KLF14: variants seen among roughly 807,000 people sequenced by gnomAD.
The protein encoded by KLF14 is Krueppel-like factor 14.
KLF14 carries 13 observed loss-of-function variants against 16.2 expected under a neutral mutation model. The ratio of observed to expected loss-of-function variants is 0.80; its 90% confidence interval spans 0.52 to 1.28. The LOEUF (loss-of-function observed/expected upper bound fraction) is 1.28, where lower values mean the gene tolerates loss of function less well. Ranked by LOEUF, KLF14 falls within the 50% of genes most tolerant of loss-of-function variation. KLF14 has a pLI of 0.00. For synonymous variants in KLF14, 276 were observed against 233.7 expected (o/e 1.18, Z -1.65); for missense variants, 571 against 493.4 (o/e 1.16, Z -1.49).
Position 130,733,653 on chromosome 7 carries a change from G to T in KLF14, c.381C>A (p.Ser127=). 6.4e-7 allele frequency: 1 copy of T among 1,554,778 alleles called. No homozygotes were observed. ...CGGCGCCGGAGGCGGGAGCCAGCTC[G>T]GAGCACGGGGTCTGGACGGAGCACG... ...PIPCSVQTPC[S]ELAPASGAAA... is the part of the protein sequence containing the mutation. The change falls in exon 1 of 1, where the codon TCC becomes TCA. Residue 127 remains serine, a synonymous_variant. Transcript: ENST00000583337. The surrounding 1 kb of genome is among the most constrained non-coding windows in gnomAD (Gnocchi z 5.2).
rs781928505 is a variant in KLF14, at chr7:130,733,080, G to A, written c.954C>T (p.Ser318=). 6 of 1,567,820 alleles carry A rather than the reference G, an allele frequency of 3.8e-6. No homozygotes were observed. In the Admixed American group the frequency reaches 7.2e-5, roughly 19 times the overall value. The stretch of plus-strand genomic sequence containing the variant: ...GACTGTCCTACAGGCAGGTGGTGAA[G>A]CTGGGCGCCGGGCCGGGACCGGAGC... The part of the protein sequence containing the change: ...ASGSGPGPAP[S]FTTCL Residue 318 remains serine (S), a synonymous_variant, in exon 1 of 1, where the codon AGC becomes AGT. Transcript: ENST00000583337. The surrounding 1 kb of genome is among the most constrained non-coding windows in gnomAD (Gnocchi z 5.2).
At position 130,732,509 on chromosome 7, in the gene KLF14, C is replaced by T. The variant is rs1469023942; in HGVS notation, c.*553G>A. ...AATTGGGGGATTGGAGGGCATAAGCCTCCCATCAACCTGGGATCCCTATTT... is the reference window on the plus strand; with the variant it reads ...AATTGGGGGATTGGAGGGCATAAGCTTCCCATCAACCTGGGATCCCTATTT... On this transcript the variant is annotated 3_prime_UTR_variant, in exon 1 of 1. Transcript: ENST00000583337. 6.6e-6 allele frequency: 1 copy of T among 152,562 alleles called. No homozygotes were observed. Among genetic ancestry groups the T allele is most frequent in the Non-Finnish European group, 1.5e-5 (1 of 68,392 alleles). 9.5% of individuals were successfully genotyped at this position (152,562 alleles called of 1,614,324 possible).
chr7:130,733,046 G>T lies in KLF14; in HGVS notation c.*16C>A. ...GGGGATCATCCTTGAGGGTAAGACT[G>T]ACAGCAATGACTGTCCTACAGGCAG... On this transcript the variant is annotated 3_prime_UTR_variant, in exon 1 of 1. Transcript: ENST00000583337. This position sits in a 1 kb window ranked among gnomAD's most constrained non-coding sequence, Gnocchi z 5.2. 6.5e-7 allele frequency: 1 copy of T among 1,541,080 alleles called. No individual in the cohort carries two copies. The highest frequency in any genetic ancestry group is 1.2e-5 in the South Asian group (1 of 80,294).
At position 130,732,915 on chromosome 7, in the gene KLF14, CAT is replaced by C. The variant is rs1305517664; in HGVS notation, c.*145_*146del. On this transcript the variant is annotated 3_prime_UTR_variant, in exon 1 of 1. Transcript: ENST00000583337. ...GCCCCCAGTACCTCCCCAGAGTCCA[CAT>C]GTCTGCCTGGACCCACCCTCAGAGC... 31 of 1,006,666 alleles carry C rather than the reference CAT, an allele frequency of 3.1e-5. No individual in the cohort carries two copies. The highest frequency in any genetic ancestry group is 1.1e-4 in the South Asian group (6 of 56,218). The allele number at this position is 1,006,666 out of a possible 1,614,324, so 62.4% of individuals were successfully genotyped here. A position where few individuals can be genotyped will look rare whatever the true frequency, so the allele number is the denominator to read the frequency against.
Position 130,733,032 on chromosome 7 carries a change from T to C in KLF14, c.*30A>G. ...GGGACAACGGCCTGGGGGATCATCC[T>C]TGAGGGTAAGACTGACAGCAATGAC... On this transcript the variant is annotated 3_prime_UTR_variant, in exon 1 of 1. Coordinates refer to ENST00000583337, the MANE Select transcript of KLF14 (RefSeq NM_138693.4). The surrounding 1 kb of genome is among the most constrained non-coding windows in gnomAD (Gnocchi z 5.2). The C allele has an allele frequency of 1.3e-6, 2 of 1,529,374 alleles. No homozygotes were observed. Among genetic ancestry groups the C allele is most frequent in the Non-Finnish European group, 1.8e-6 (2 of 1,140,136 alleles). 94.7% of individuals were successfully genotyped at this position (1,529,374 alleles called of 1,614,324 possible).
chr7:130,733,501 G>A lies in KLF14; in HGVS notation c.533C>T (p.Ala178Val), dbSNP rs569163126. 1.4e-5 allele frequency: 23 copies of A among 1,598,710 alleles called. No homozygotes were observed. In the East Asian group the frequency reaches 5.0e-4, roughly 35 times the overall value. Residue 178 changes from alanine (A) to valine (V), a missense_variant, in exon 1 of 1, where the codon GCC (alanine) becomes GTC (valine). By Grantham distance (64) the Ala-to-Val change is moderately conservative. Coordinates refer to ENST00000583337, the MANE Select transcript of KLF14 (RefSeq NM_138693.4). This position sits in a 1 kb window ranked among gnomAD's most constrained non-coding sequence, Gnocchi z 5.2. Reference protein sequence around the residue: ...GGALGAGPAPAADQAPRRRSV... With the variant: ...GGALGAGPAPVADQAPRRRSV... ...CCTCCTCCGGGGCGCCTGATCCGCG[G>A]CGGGGGCGGGGCCTGCCCCTAGGGC...
In KLF14 at chr7:130,733,367, G is replaced by A; in HGVS notation, c.667C>T (p.Arg223Cys). Residue 223 changes from arginine (R) to cysteine (C), a missense_variant, in exon 1 of 1, where the codon CGC becomes TGC. By Grantham distance (180) the Arg-to-Cys change is radical. Coordinates refer to ENST00000583337, the MANE Select transcript of KLF14 (RefSeq NM_138693.4). This position sits in a 1 kb window ranked among gnomAD's most constrained non-coding sequence, Gnocchi z 5.2. ...TCGAGCCAGTCGCAGGAGAAAGGGC[G>A]CTCACCCGTGTGGGTGCGCTGGTGG... ...KSHQRTHTGE[R>C]PFSCDWLDCD... 6.2e-7 allele frequency: 1 copy of A among 1,614,036 alleles called. No homozygotes were observed.
chr7:130,732,766 A>C lies in KLF14; in HGVS notation c.*296T>G. ...TCACATCCCTGGTTCCAGGGAGGGG[A>C]GAATCTTCAGTACTCTGGAGAGTAC... On this transcript the variant is annotated 3_prime_UTR_variant, in exon 1 of 1. Transcript: ENST00000583337. 6.9e-6 allele frequency: 2 copies of C among 287,864 alleles called. No homozygotes were observed. Among genetic ancestry groups the C allele is most frequent in the Non-Finnish European group, 6.5e-6 (1 of 153,948 alleles). 17.8% of individuals were successfully genotyped at this position (287,864 alleles called of 1,614,324 possible). A position where few individuals can be genotyped will look rare whatever the true frequency, so the allele number is the denominator to read the frequency against.
Position 130,733,499 on chromosome 7 carries a change from C to A in KLF14, c.535G>T (p.Ala179Ser). 1 of 1,600,306 alleles carries A rather than the reference C, an allele frequency of 6.2e-7. No homozygotes were observed. Among genetic ancestry groups the A allele is most frequent in the South Asian group, 1.1e-5 (1 of 89,334 alleles). The change falls in exon 1 of 1, where the codon GCG becomes TCG. Residue 179 changes from alanine to serine, a missense_variant. By Grantham distance (99) the Ala-to-Ser change is moderately conservative. Coordinates refer to ENST00000583337, the MANE Select transcript of KLF14 (RefSeq NM_138693.4). This position sits in a 1 kb window ranked among gnomAD's most constrained non-coding sequence, Gnocchi z 5.2. ...GALGAGPAPA[A>S]DQAPRRRSVT... ...GACCTCCTCCGGGGCGCCTGATCCG[C>A]GGCGGGGGCGGGGCCTGCCCCTAGG... is the stretch of plus-strand genomic sequence containing the variant.
chr7:130,733,809 G>C lies in KLF14; in HGVS notation c.225C>G (p.Gly75=). Residue 75 remains glycine, a synonymous_variant, in exon 1 of 1, where the codon GGC becomes GGG. Coordinates refer to ENST00000583337, the MANE Select transcript of KLF14 (RefSeq NM_138693.4). This position sits in a 1 kb window ranked among gnomAD's most constrained non-coding sequence, Gnocchi z 5.2. ...QLPQVPAPSP[G]AGGAAPHLLA... The stretch of plus-strand genomic sequence containing the variant: ...GCAGGTGGGGCGCGGCGCCGCCCGC[G>C]CCGGGGCTGGGGGCGGGGACCTGCG... 6.9e-7 allele frequency: 1 copy of C among 1,457,442 alleles called. No homozygotes were observed. The highest frequency in any genetic ancestry group is 2.5e-5 in the Admixed American group (1 of 40,102). 90.3% of individuals were successfully genotyped at this position (1,457,442 alleles called of 1,614,324 possible). A position where few individuals can be genotyped will look rare whatever the true frequency, so the allele number is the denominator to read the frequency against.
rs1447697273 is a variant in KLF14 at position 130,734,046 on chromosome 7, C to T, written c.-13G>A. 6 of 1,222,140 alleles carry T rather than the reference C, an allele frequency of 4.9e-6. No individual in the cohort carries two copies. The highest frequency in any genetic ancestry group is 3.7e-5 in the East Asian group (1 of 26,678). 75.7% of individuals were successfully genotyped at this position (1,222,140 alleles called of 1,614,324 possible). A position where few individuals can be genotyped will look rare whatever the true frequency, so the allele number is the denominator to read the frequency against. ...CGGCGGCCGACATGCTGGGACCGCC[C>T]GGCCGCCGGCGAGCGCCGTCCGAAC... is the stretch of plus-strand genomic sequence containing the variant. On this transcript the variant is annotated 5_prime_UTR_variant, in exon 1 of 1. Transcript: ENST00000583337. The surrounding 1 kb of genome is among the most constrained non-coding windows in gnomAD (Gnocchi z 4.4).
rs1797233780 is a variant in KLF14, at chr7:130,733,511, G to A, written c.523C>T (p.Pro175Ser). 1.3e-6 allele frequency: 2 copies of A among 1,592,866 alleles called. No individual in the cohort carries two copies. Among genetic ancestry groups the A allele is most frequent in the Non-Finnish European group, 1.7e-6 (2 of 1,170,500 alleles). Reference protein sequence around the residue: ...GFSGGALGAGPAPAADQAPRR... With the variant: ...GFSGGALGAGSAPAADQAPRR... The stretch of plus-strand genomic sequence containing the variant: ...GGCGCCTGATCCGCGGCGGGGGCGG[G>A]GCCTGCCCCTAGGGCCCCTCCAGAG... The change falls in exon 1 of 1, where the codon CCC becomes TCC. Residue 175 changes from proline to serine, a missense_variant. Physicochemically the swap from Pro to Ser is moderately conservative, Grantham distance 74. Transcript: ENST00000583337. The surrounding 1 kb of genome is among the most constrained non-coding windows in gnomAD (Gnocchi z 5.2).
rs1157461082 is a variant in KLF14 at position 130,734,176 on chromosome 7, CGCCGCCGCA to C, written c.-152_-144del. 23 of 310,688 alleles carry C rather than the reference CGCCGCCGCA, an allele frequency of 7.4e-5. 1 individual carries two copies. The South Asian group carries it at 1.2e-3, about 16-fold the overall frequency. The allele number at this position is 310,688 out of a possible 1,614,324, so 19.2% of individuals were successfully genotyped here. On this transcript the variant is annotated 5_prime_UTR_variant, in exon 1 of 1. Coordinates refer to ENST00000583337, the MANE Select transcript of KLF14 (RefSeq NM_138693.4). This position sits in a 1 kb window ranked among gnomAD's most constrained non-coding sequence, Gnocchi z 4.4. ...GCCGCCTGCCGCCTGCTGCCGCCGC[CGCCGCCGCA>C]GCCGCCGCTGCCGCCGCCGCCCGCG...
Position 130,733,727 on chromosome 7 carries a change from T to G in KLF14, c.307A>C (p.Asn103His). 6.4e-7 allele frequency: 1 copy of G among 1,554,824 alleles called. No homozygotes were observed. Among genetic ancestry groups the G allele is most frequent in the South Asian group, 1.2e-5 (1 of 84,984 alleles). ...RGSSGEGSWE[N>H]SGEAPRASSG... is the part of the protein sequence containing the mutation. Reference sequence around the variant, plus strand: ...GAGGCGCGTGGAGCTTCCCCCGAGTTCTCCCAGGAGCCCTCGCCAGAGCTG... The same window carrying G: ...GAGGCGCGTGGAGCTTCCCCCGAGTGCTCCCAGGAGCCCTCGCCAGAGCTG... The change falls in exon 1 of 1, where the codon AAC (asparagine) becomes CAC (histidine). Residue 103 changes from asparagine to histidine, a missense_variant. Transcript: ENST00000583337. The surrounding 1 kb of genome is among the most constrained non-coding windows in gnomAD (Gnocchi z 5.2).
In KLF14 at chr7:130,733,917, A is replaced by C. The variant is rs111731678; in HGVS notation, c.117T>G (p.Ala39=). The change falls in exon 1 of 1, where the codon GCT becomes GCG. Residue 39 remains alanine (A), a synonymous_variant. Transcript: ENST00000583337. The surrounding 1 kb of genome is among the most constrained non-coding windows in gnomAD (Gnocchi z 5.2). ...GCGGCGCCGCACCCACCTCCGAGCC[A>C]GCGGCTCCACCCGCGCCCTCGGGGT... ...PPDPEGAGGA[A]GSEVGAAPPE... 7.4e-7 allele frequency: 1 copy of C among 1,354,986 alleles called. No homozygotes were observed. The highest frequency in any genetic ancestry group is 9.5e-7 in the Non-Finnish European group (1 of 1,053,228). 83.9% of individuals were successfully genotyped at this position (1,354,986 alleles called of 1,614,324 possible).
Position 130,733,936 on chromosome 7 carries a change from T to C in KLF14, c.98A>G (p.Glu33Gly). 1.5e-6 allele frequency: 2 copies of C among 1,360,764 alleles called. No homozygotes were observed. Among genetic ancestry groups the C allele is most frequent in the South Asian group, 1.5e-5 (1 of 64,728 alleles). 84.3% of individuals were successfully genotyped at this position (1,360,764 alleles called of 1,614,324 possible). ...CGAGCCAGCGGCTCCACCCGCGCCC[T>C]CGGGGTCCGGCGGGCGGCGGTGAAC... ...AVVHRRPPDP[E>G]GAGGAAGSEV... Residue 33 changes from glutamate (E) to glycine (G), a missense_variant, in exon 1 of 1, where the codon GAG becomes GGG. By Grantham distance (98) the Glu-to-Gly change is moderately conservative (BLOSUM62 -2). Transcript: ENST00000583337. The surrounding 1 kb of genome is among the most constrained non-coding windows in gnomAD (Gnocchi z 5.2).
At position 130,733,209 on chromosome 7, in the gene KLF14, G is replaced by GC; in HGVS notation, c.824dup (p.Arg276ProfsTer110). ...TATCTGGATGATAGGTTGGGTGGCGGCGAGCATGCTTGGTCAGGTGGTCGC... is the reference window on the plus strand; with the variant it reads ...TATCTGGATGATAGGTTGGGTGGCGGCCGAGCATGCTTGGTCAGGTGGTCGC... On this transcript the variant is annotated frameshift_variant, in exon 1 of 1. Coordinates refer to ENST00000583337, the MANE Select transcript of KLF14 (RefSeq NM_138693.4). LOFTEE classifies it high-confidence loss of function. The surrounding 1 kb of genome is among the most constrained non-coding windows in gnomAD (Gnocchi z 5.2). 6.2e-7 allele frequency: 1 copy of GC among 1,605,852 alleles called. No homozygotes were observed. The highest frequency in any genetic ancestry group is 8.5e-7 in the Non-Finnish European group (1 of 1,176,288).
Position 130,733,676 on chromosome 7 carries a change from A to G in KLF14, c.358T>C (p.Cys120Arg). The G allele has an allele frequency of 6.4e-7, 1 of 1,570,434 alleles. No individual in the cohort carries two copies. Among genetic ancestry groups the G allele is most frequent in the Non-Finnish European group, 8.6e-7 (1 of 1,162,706 alleles). The change falls in exon 1 of 1, where the codon TGC becomes CGC. Residue 120 changes from cysteine (C) to arginine (R), a missense_variant. Transcript: ENST00000583337. This position sits in a 1 kb window ranked among gnomAD's most constrained non-coding sequence, Gnocchi z 5.2. ...ASSGFSDPIPCSVQTPCSELA... is the reference protein window; with the variant it reads ...ASSGFSDPIPRSVQTPCSELA... ...TCGGAGCACGGGGTCTGGACGGAGC[A>G]CGGGATCGGGTCGGAGAAGCCGGAC...
At position 130,733,361 on chromosome 7, in the gene KLF14, A is replaced by C. The variant is rs1225865280; in HGVS notation, c.673T>G (p.Phe225Val). Residue 225 changes from phenylalanine to valine, a missense_variant, in exon 1 of 1, where the codon TTC becomes GTC. By Grantham distance (50) the Phe-to-Val change is conservative. Transcript: ENST00000583337. This position sits in a 1 kb window ranked among gnomAD's most constrained non-coding sequence, Gnocchi z 5.2. ...TCGCAGTCGAGCCAGTCGCAGGAGA[A>C]AGGGCGCTCACCCGTGTGGGTGCGC... ...HQRTHTGERP[F>V]SCDWLDCDKK... 1 of 1,613,896 alleles carries C rather than the reference A, an allele frequency of 6.2e-7. No homozygotes were observed. The highest frequency in any genetic ancestry group is 8.5e-7 in the Non-Finnish European group (1 of 1,179,980).
Sources: allele counts gnomAD v4.1 joint callset, GRCh38; gene constraint gnomAD v4.1.1; non-coding constraint Gnocchi (gnomAD v3.1); transcripts MANE v1.5; gene names NCBI Gene and HGNC (gene_info 2026-07-23, HGNC 2026-07-21).